The following DLC1 variants were observed in gnomAD, a reference collection of about 807,000 sequenced individuals.
DLC1 encodes the protein rho GTPase-activating protein 7.
Under a neutral mutation model 140.3 loss-of-function variants are expected in DLC1, and 54 were observed. The observed-to-expected ratio is 0.38, with a 90% CI of 0.31 to 0.48. The LOEUF is 0.48. DLC1 is among the 20% of genes least tolerant of loss of function. The probability of loss-of-function intolerance (pLI) is 0.96; values close to 1 mark genes in which losing one functional copy is unlikely to be tolerated. For synonymous variants in DLC1, 986 were observed against 728.1 expected, an observed-to-expected ratio of 1.35 and a Z score of -5.70; for missense variants, 2,536 against 1,907.0, an observed-to-expected ratio of 1.33 and a Z score of -6.14.
intron 2 of DLC1, among the ~76,000 whole-genome samples, chr8:13,433,878 G>A (rs1330281687): frequency 6.6e-6 from 1 of 152,126 alleles, no homozygotes; most frequent in African/African-American, 2.4e-5. Context: ...TTCTTGAGAT[G>A]GAGTTTCACT....
intron 2 of DLC1, among the ~76,000 whole-genome samples, chr8:13,466,775 A>AT (rs536845263): frequency 1.6e-4 from 24 of 152,232 alleles, no homozygotes; most frequent in African/African-American, 5.8e-4. Context: ...TGTACATTAG[A>AT]TTTTTTCAGG....
At chr8:13,282,001 G>T (rs1294991930) in intron 5 of DLC1, among the ~76,000 whole-genome samples, 1 of 152,142 alleles carries the variant, frequency 6.6e-6, no homozygotes, top group East Asian at 1.9e-4. Context: ...ATATAGACTA[G>T]ATCATTTATT....
chr8:13,333,250 G>T (rs1433208926), intron 4 of DLC1, among the ~76,000 whole-genome samples: 1 of 152,106 alleles, frequency 6.6e-6, no homozygotes, highest in Admixed American at 6.6e-5. Flanking sequence ...CTTAGAGACA[G>T]GGTCTTCCTT....
chr8:13,598,491 A>C (rs1805755439), intron 1 of DLC1, among the ~76,000 whole-genome samples: 1 of 152,084 alleles, frequency 6.6e-6, no homozygotes, highest in Non-Finnish European at 1.5e-5. Context: ...CTGATAAATG[A>C]TTCTTTATGT....
chr8:13,602,088 T>C (rs147530549), intron 1 of DLC1, among the ~76,000 whole-genome samples: 3 of 151,954 alleles, frequency 2.0e-5, no homozygotes, highest in African/African-American at 7.2e-5. Context: ...ATCATGAATC[T>C]GAGCAATTCT....
chr8:13,155,158 C>G (rs1419443773), intron 5 of DLC1, among the ~76,000 whole-genome samples: 2 of 149,452 alleles, frequency 1.3e-5, no homozygotes, highest in Admixed American at 6.7e-5. Flanking sequence ...AAGCGAATGT[C>G]TCCATATCGG....
At chr8:13,186,189 T>G (rs1483074233) in intron 5 of DLC1, among the ~76,000 whole-genome samples, 1 of 152,208 alleles carries the variant, frequency 6.6e-6, no homozygotes, top group Non-Finnish European at 1.5e-5. Context: ...AATTGAATGT[T>G]GGCCTGCCTT....
intron 5 of DLC1, among the ~76,000 whole-genome samples, chr8:13,282,390 T>C (rs979360179): frequency 6.6e-6 from 1 of 152,200 alleles, no homozygotes; most frequent in African/African-American, 2.4e-5. Context: ...CCTCAGGAAC[T>C]TTTTTCTATG....
chr8:13,146,085 C>T (rs1823416191), intron 5 of DLC1, among the ~76,000 whole-genome samples: 1 of 151,890 alleles, frequency 6.6e-6, no homozygotes, highest in Non-Finnish European at 1.5e-5. Flanking sequence ...CCAGCCTGGC[C>T]AACATTGTGA....
chr8:13,576,795 G>A (rs906772027), intron 1 of DLC1, among the ~76,000 whole-genome samples: 1 of 152,172 alleles, frequency 6.6e-6, no homozygotes, highest in African/African-American at 2.4e-5. Context: ...TAAAGCCTAG[G>A]CTGCAAGGAC....
intron 4 of DLC1, chr8:13,339,573 G>A (rs1012648190): frequency 3.9e-5 from 6 of 152,328 alleles, no homozygotes; most frequent in African/African-American, 1.4e-4. Context: ...GGGCAGAGAT[G>A]CCCTGTCATT....
rs1379129061 is a variant in DLC1 at position 13,104,346 on chromosome 8, C to G, written c.1503-1493G>C. Among the ~76,000 whole-genome samples the G allele has an allele frequency of 4.1e-5, 4 of 97,946 alleles. No homozygotes were observed. The East Asian group carries it at 1.1e-3, about 26-fold the overall frequency. The allele number at this position is 97,946 out of a possible 152,430, so 64.3% of individuals were successfully genotyped here. On this transcript the variant is annotated intron_variant, in intron 7 of 17. Coordinates refer to ENST00000276297, the MANE Select transcript of DLC1 (RefSeq NM_182643.3). ...ATTTAGTTTCGTTGAAAATAAAATA[C>G]TTACAAAAAAAAAAAAAACCCAAAA...
chr8:13,467,188 C>T (rs1209811271), intron 2 of DLC1, among the ~76,000 whole-genome samples: 1 of 152,040 alleles, frequency 6.6e-6, no homozygotes, highest in Non-Finnish European at 1.5e-5. Flanking sequence ...TTGCTAAATC[C>T]TTTTCTTATT....
At chr8:13,518,744 A>G (rs1216032063), upstream of DLC1, among the ~76,000 whole-genome samples, 1 of 152,206 alleles carries the variant, frequency 6.6e-6, no homozygotes, top group Non-Finnish European at 1.5e-5. Context: ...TAATATATAA[A>G]GAGAATAAAT....
intron 5 of DLC1, chr8:13,276,425 G>C (rs552234749): frequency 2.5e-4 from 365 of 1,436,974 alleles, no homozygotes; most frequent in South Asian, 7.6e-4. Flanking sequence ...CTTCAGCGCA[G>C]CCCGGGCGCC....
At chr8:13,132,929 G>T (rs371566689) in intron 5 of DLC1, 4 of 1,600,324 alleles carry the variant, frequency 2.5e-6, no homozygotes, top group African/African-American at 2.7e-5. Flanking sequence ...ACGGCAAGAC[G>T]CAAGTCTAGC....
At chr8:13,454,614 G>T (rs1359939228) in intron 2 of DLC1, among the ~76,000 whole-genome samples, 1 of 152,140 alleles carries the variant, frequency 6.6e-6, no homozygotes, top group Non-Finnish European at 1.5e-5. Context: ...GGACTGCAGT[G>T]GTGTGATCAT....
chr8:13,425,522 T>C (rs1838531714), intron 2 of DLC1, among the ~76,000 whole-genome samples: 1 of 152,194 alleles, frequency 6.6e-6, no homozygotes, highest in Non-Finnish European at 1.5e-5. Flanking sequence ...ATCAGTCTCA[T>C]TTAAAGAAAT....
At chr8:13,195,938 T>G (rs897630243) in intron 5 of DLC1, among the ~76,000 whole-genome samples, 3 of 152,062 alleles carry the variant, frequency 2.0e-5, no homozygotes, top group Non-Finnish European at 4.4e-5. Flanking sequence ...CCACTTATAA[T>G]TACCACCATT....
Sources: allele counts gnomAD v4.1 joint callset (sites outside exome capture counted in the v4.1 genomes callset), GRCh38; gene constraint gnomAD v4.1.1; transcripts MANE v1.5; gene names NCBI Gene and HGNC (gene_info 2026-07-23, HGNC 2026-07-21).